ZDHHC5: variants seen among roughly 807,000 people sequenced by gnomAD.
ZDHHC5 encodes palmitoyltransferase ZDHHC5.
Under a neutral mutation model 70.0 loss-of-function variants are expected in ZDHHC5, and 22 were observed. That is an observed-to-expected ratio of 0.31 (90% CI 0.22 to 0.45). The LOEUF is 0.45. Ranked by LOEUF, ZDHHC5 falls within the 20% of genes least tolerant of loss-of-function variation. ZDHHC5 has a pLI of 1.00. For missense variants in ZDHHC5, 746 were observed against 926.9 expected (o/e 0.80, Z 2.53); for synonymous variants, 313 against 347.8 (o/e 0.90, Z 1.11).
chr11:57,689,471 G>A (rs1001206576), intron 4 of ZDHHC5, among the ~76,000 whole-genome samples: 4 of 151,864 alleles, frequency 2.6e-5, no homozygotes, highest in East Asian at 1.9e-4. Flanking sequence ...TCCGCCTCCC[G>A]GGTTCAACCG....
At chr11:57,693,743 C>G (rs945622766) in intron 7 of ZDHHC5, 40 bp from the exon 8 acceptor site, 2 of 1,514,572 alleles carry the variant, frequency 1.3e-6, no homozygotes, top group Non-Finnish European at 1.8e-6. Flanking sequence ...AATGAAAGCT[C>G]TCTCGCTGTG....
intron 4 of ZDHHC5, 107 bp downstream of exon 4, chr11:57,688,772 C>T (rs549022): frequency 0.25 from 320,044 of 1,262,400 alleles, 47,766 homozygotes; most frequent in East Asian, 0.79. Flanking sequence ...TGTCTAACTA[C>T]GTTGGCCACA....
intron 8 of ZDHHC5, among the ~76,000 whole-genome samples, chr11:57,695,368 C>T (rs571678029): frequency 1.2e-4 from 18 of 151,722 alleles, no homozygotes; most frequent in African/African-American, 3.4e-4. Context: ...TGCAATGAGC[C>T]GTGATCACGC....
intron 2 of ZDHHC5, 142 bp downstream of exon 2, chr11:57,673,336 C>A: frequency 1.4e-6 from 1 of 704,394 alleles, no homozygotes; most frequent in Non-Finnish European, 2.3e-6. Context: ...ATCCCAGAGA[C>A]ATGTAAGAAA....
chr11:57,699,816 A>G (rs538911983), intron 11 of ZDHHC5, 50 bp from the exon 12 acceptor site: 25 of 1,610,092 alleles, frequency 1.6e-5, no homozygotes, highest in African/African-American at 1.2e-4. Context: ...TCCCTTTCCA[A>G]TGTTTTCTGT....
At chr11:57,698,320 A>C (rs947972327) in intron 10 of ZDHHC5, among the ~76,000 whole-genome samples, 1 of 152,118 alleles carries the variant, frequency 6.6e-6, no homozygotes, top group African/African-American at 2.4e-5. Flanking sequence ...CGAGTTTATA[A>C]CCCAGTTCTG....
At chr11:57,691,598 T>C (rs1347784302) in intron 6 of ZDHHC5, among the ~76,000 whole-genome samples, 1 of 152,194 alleles carries the variant, frequency 6.6e-6, no homozygotes, top group East Asian at 1.9e-4. Context: ...CAAACCAAAC[T>C]GAAACTAGAC....
intron 1 of ZDHHC5, 134 bp from the exon 2 acceptor site, chr11:57,671,887 A>G (rs1946011438): frequency 5.6e-6 from 1 of 177,096 alleles, no homozygotes; most frequent in South Asian, 2.0e-4. Context: ...TCTTACCCAC[A>G]TACATGTAAG....
chr11:57,668,649 TAC>T (rs1300104457), intron 1 of ZDHHC5: 1 of 152,464 alleles, frequency 6.6e-6, no homozygotes, highest in Non-Finnish European at 1.5e-5. Flanking sequence ...GTTTCCCTTT[TAC>T]CGCTCTGCGG....
chr11:57,690,417 G>A lies in ZDHHC5; in HGVS notation c.640G>A (p.Gly214Arg), dbSNP rs776492494. The A allele has an allele frequency of 9.3e-6, 15 of 1,614,118 alleles. No individual in the cohort carries two copies. The highest frequency in any genetic ancestry group is 1.2e-5 in the Non-Finnish European group (14 of 1,180,052). The change falls in exon 6 of 12, where the codon GGA (glycine) becomes AGA (arginine). Residue 214 changes from glycine (G) to arginine (R), a missense_variant. This residue lies in a region of ZDHHC5 where 114 missense variants were observed against 179.3 expected (regional missense o/e 0.64). Coordinates refer to ENST00000287169, the MANE Select transcript of ZDHHC5 (RefSeq NM_015457.3). ...TGFHVVLVAR[G>R]RTTNEQVTGK... is the part of the protein sequence containing the mutation. ...ATTTCACGTGGTTCTGGTGGCCAGG[G>A]GACGCACAACCAATGAACAGGTATG...
chr11:57,682,457 T>C lies in ZDHHC5; in HGVS notation c.140T>C (p.Val47Ala). The C allele has an allele frequency of 6.2e-7, 1 of 1,614,176 alleles. No homozygotes were observed. The highest frequency in any genetic ancestry group is 8.5e-7 in the Non-Finnish European group (1 of 1,180,006). Reference protein sequence around the residue: ...PGLSLYVSPAVPIYNAIMFLF... With the variant: ...PGLSLYVSPAAPIYNAIMFLF... ...CTAAGCCTGTATGTGTCACCTGCAG[T>C]GCCCATCTACAATGCAATTATGTTT... The change falls in exon 3 of 12, where the codon GTG becomes GCG. Residue 47 changes from valine to alanine, a missense_variant. This residue lies in a region of ZDHHC5 where 89 missense variants were observed against 130.7 expected (regional missense o/e 0.68). Coordinates refer to ENST00000287169, the MANE Select transcript of ZDHHC5 (RefSeq NM_015457.3).
chr11:57,689,939 A>G, intron 4 of ZDHHC5, 92 bp from the exon 5 acceptor site: 4 of 1,446,390 alleles, frequency 2.8e-6, no homozygotes, highest in Non-Finnish European at 2.8e-6. Context: ...GACCATGATC[A>G]AAACTTAGCT....
At position 57,672,884 on chromosome 11, in the gene ZDHHC5, C is replaced by T. The variant is rs1946024157; in HGVS notation, c.-207C>T. 1 of 521,126 alleles carries T rather than the reference C, an allele frequency of 1.9e-6. No homozygotes were observed. The highest frequency in any genetic ancestry group is 3.5e-6 in the Non-Finnish European group (1 of 288,066). The allele number at this position is 521,126 out of a possible 1,614,324, so 32.3% of individuals were successfully genotyped here. A position where few individuals can be genotyped will look rare whatever the true frequency, so the allele number is the denominator to read the frequency against. ...GTGGTTATTCATCATTTGGAATCAC[C>T]TTTCCCCCTCCCATGTGCTTTCCTT... On this transcript the variant is annotated 5_prime_UTR_variant, in exon 2 of 12. Transcript: ENST00000287169.
chr11:57,671,399 A>C (rs1343650208), intron 1 of ZDHHC5, among the ~76,000 whole-genome samples: 3 of 152,206 alleles, frequency 2.0e-5, no homozygotes, highest in Non-Finnish European at 4.4e-5. Context: ...ATTGGGAAAA[A>C]AGAACCAACC....
At position 57,696,823 on chromosome 11, in the gene ZDHHC5, T is replaced by TA; in HGVS notation, c.1073dup (p.Tyr358Ter). ...TACCATGTACAAGTATCGGCCGGGT[T>TA]ACAGTAGCAGCAGTACGTCAGCTGC... is the stretch of plus-strand genomic sequence containing the variant. The part of the protein sequence containing the change: ...TPTMYKYRPG[Y>*]SSSSTSAAMP... The change falls in exon 10 of 12, where the codon TAC becomes TAAC. Residue 358 changes from tyrosine (Y) to a stop codon, truncating the protein, a stop_gained and frameshift_variant. Coordinates refer to ENST00000287169, the MANE Select transcript of ZDHHC5 (RefSeq NM_015457.3). LOFTEE classifies it high-confidence loss of function. 1 of 1,614,050 alleles carries TA rather than the reference T, an allele frequency of 6.2e-7. No individual in the cohort carries two copies. The highest frequency in any genetic ancestry group is 1.1e-5 in the South Asian group (1 of 91,086).
chr11:57,681,676 A>G (rs1287349617), intron 2 of ZDHHC5: 1 of 152,152 alleles, frequency 6.6e-6, no homozygotes, highest in African/African-American at 2.4e-5. Flanking sequence ...GCATATCTTG[A>G]GTTGACTGCT....
At chr11:57,669,154 G>T (rs545990127) in intron 1 of ZDHHC5, among the ~76,000 whole-genome samples, 1 of 152,074 alleles carries the variant, frequency 6.6e-6, no homozygotes, top group South Asian at 2.1e-4. Context: ...TTGCTACCTC[G>T]GTATATAATG....
At chr11:57,689,627 C>T (rs1001824713) in intron 4 of ZDHHC5, among the ~76,000 whole-genome samples, 9 of 151,886 alleles carry the variant, frequency 5.9e-5, no homozygotes, top group South Asian at 2.1e-4. Flanking sequence ...CTACCCGCCT[C>T]GGCCTCTCAA....
At chr11:57,696,981 G>A in intron 10 of ZDHHC5, 108 bp downstream of exon 10, 2 of 1,131,370 alleles carry the variant, frequency 1.8e-6, no homozygotes, top group Non-Finnish European at 2.6e-6. Flanking sequence ...TGGATCACAA[G>A]GTCAAGAGAT....
Sources: gnomAD v4.1 joint callset for allele counts (sites outside exome capture counted in the v4.1 genomes callset) on GRCh38, gnomAD v4.1.1 for gene constraint, gnomAD v4.1.1 regional missense constraint, MANE v1.5 for transcripts, NCBI Gene and HGNC (gene_info 2026-07-23, HGNC 2026-07-21) for gene names.